ATP2A2: variants seen among roughly 807,000 people sequenced by gnomAD.
The protein encoded by ATP2A2 is ATPase sarcoplasmic/endoplasmic reticulum Ca2+ transporting 2, also known as sarcoplasmic/endoplasmic reticulum calcium ATPase 2.
Under a neutral mutation model 109.3 loss-of-function variants are expected in ATP2A2, and 14 were observed. The observed-to-expected ratio is 0.13, with a 90% CI of 0.08 to 0.20. The LOEUF (loss-of-function observed/expected upper bound fraction) is 0.20, where lower values mean the gene tolerates loss of function less well. Ranked by LOEUF, ATP2A2 falls within the 10% of genes least tolerant of loss-of-function variation. The pLI is 1.00. For missense variants in ATP2A2, 657 were observed against 1,321.6 expected, an observed-to-expected ratio of 0.50 and a Z score of 7.80; for synonymous variants, 506 against 490.9, an observed-to-expected ratio of 1.03 and a Z score of -0.41.
Position 110,348,955 on chromosome 12 carries a change from C to T in ATP2A2, c.*2485C>T, listed in dbSNP as rs1345355772. On this transcript the variant is annotated 3_prime_UTR_variant, in exon 20 of 20. Coordinates refer to ENST00000539276, the MANE Select transcript of ATP2A2 (RefSeq NM_170665.4). ...AAACAAAACTCAGCTTTTCCTGACT[C>T]AGTTCCTTGACTTAGTGGCCTTTAC... 1 of 985,378 alleles carries T rather than the reference C, an allele frequency of 1.0e-6. No individual in the cohort carries two copies. The highest frequency in any genetic ancestry group is 1.7e-5 in the African/African-American group (1 of 57,250). The allele number at this position is 985,378 out of a possible 1,614,324, so 61.0% of individuals were successfully genotyped here.
chr12:110,305,081 A>G (rs1050102353), intron 5 of ATP2A2, among the ~76,000 whole-genome samples: 3 of 151,928 alleles, frequency 2.0e-5, no homozygotes, highest in Non-Finnish European at 4.4e-5. Context: ...TTACAGGTGC[A>G]CACCACCACA....
Position 110,327,964 on chromosome 12 carries a change from A to G in ATP2A2, c.1042A>G (p.Ile348Val). Residue 348 changes from isoleucine (I) to valine (V), a missense_variant, in exon 8 of 20, where the codon ATC becomes GTC. Coordinates refer to ENST00000539276, the MANE Select transcript of ATP2A2 (RefSeq NM_170665.4). This position sits in a 1 kb window ranked among gnomAD's most constrained non-coding sequence, Gnocchi z 4.4. ...GGAAACCCTTGGTTGTACTTCTGTTATCTGCTCAGACAAGACTGGTACACT... is the reference window on the plus strand; with the variant it reads ...GGAAACCCTTGGTTGTACTTCTGTTGTCTGCTCAGACAAGACTGGTACACT... The part of the protein sequence containing the change: ...SVETLGCTSV[I>V]CSDKTGTLTT... 1 of 1,614,144 alleles carries G rather than the reference A, an allele frequency of 6.2e-7. No individual in the cohort carries two copies. Among genetic ancestry groups the G allele is most frequent in the Non-Finnish European group, 8.5e-7 (1 of 1,180,026 alleles).
intron 11 of ATP2A2, among the ~76,000 whole-genome samples, chr12:110,334,976 G>A (rs1262327292): frequency 6.6e-6 from 1 of 152,230 alleles, no homozygotes; most frequent in Non-Finnish European, 1.5e-5. Flanking sequence ...GGCAGTGGCA[G>A]TGGCAGAGGG....
chr12:110,318,110 A>G (rs1488378068), intron 5 of ATP2A2, among the ~76,000 whole-genome samples: 1 of 152,238 alleles, frequency 6.6e-6, no homozygotes, highest in Non-Finnish European at 1.5e-5. Context: ...GGATGTGATC[A>G]TCGGAACAGC....
chr12:110,284,410 A>G (rs1484724836), intron 3 of ATP2A2, among the ~76,000 whole-genome samples: 2 of 152,230 alleles, frequency 1.3e-5, no homozygotes, highest in African/African-American at 2.4e-5. Context: ...GCCAGAAGCA[A>G]AATACATTTT....
chr12:110,339,233 A>T lies in ATP2A2; in HGVS notation c.1420-48A>T. On this transcript the variant is annotated intron_variant, in intron 11 of 19. Coordinates refer to ENST00000539276, the MANE Select transcript of ATP2A2 (RefSeq NM_170665.4). This position sits in a 1 kb window ranked among gnomAD's most constrained non-coding sequence, Gnocchi z 4.4. Reference sequence around the variant, plus strand: ...GTGCTTACTGCTTGTTAGGTAAAAAAGTTCAGAAATTGCCACCCAGTAGTA... The same window carrying T: ...GTGCTTACTGCTTGTTAGGTAAAAATGTTCAGAAATTGCCACCCAGTAGTA... 6.2e-7 allele frequency: 1 copy of T among 1,612,142 alleles called. No individual in the cohort carries two copies. The highest frequency in any genetic ancestry group is 8.5e-7 in the Non-Finnish European group (1 of 1,179,434).
Position 110,332,554 on chromosome 12 carries a change from T to A in ATP2A2, c.1096-43T>A, listed in dbSNP as rs764476927. 7.1e-5 allele frequency: 108 copies of A among 1,511,798 alleles called. No homozygotes were observed. The highest frequency in any genetic ancestry group is 8.7e-5 in the Non-Finnish European group (95 of 1,087,208). The allele number at this position is 1,511,798 out of a possible 1,614,324, so 93.6% of individuals were successfully genotyped here. A position where few individuals can be genotyped will look rare whatever the true frequency, so the allele number is the denominator to read the frequency against. On this transcript the variant is annotated intron_variant, in intron 8 of 19. Coordinates refer to ENST00000539276, the MANE Select transcript of ATP2A2 (RefSeq NM_170665.4). ...GGTAGTTTATTTGTGTAGCATTTTT[T>A]AAAAATCCCTTTTAAATACTCTGAT...
chr12:110,294,910 C>G (rs1873799255), intron 4 of ATP2A2, among the ~76,000 whole-genome samples: 1 of 152,048 alleles, frequency 6.6e-6, no homozygotes, highest in Non-Finnish European at 1.5e-5. Context: ...GCCTCCACCT[C>G]CCGGACTCAA....
In ATP2A2 at chr12:110,340,199, A is replaced by T. The variant is rs1310102252; in HGVS notation, c.1762-460A>T. Among the ~76,000 whole-genome samples, 4 of 152,172 alleles carry T rather than the reference A, an allele frequency of 2.6e-5. No individual in the cohort carries two copies. Among genetic ancestry groups the T allele is most frequent in the Admixed American group, 1.3e-4 (2 of 15,278 alleles). On this transcript the variant is annotated intron_variant, in intron 13 of 19. Coordinates refer to ENST00000539276, the MANE Select transcript of ATP2A2 (RefSeq NM_170665.4). This position sits in a 1 kb window ranked among gnomAD's most constrained non-coding sequence, Gnocchi z 6.0. ...CTCAGAATAGCACAAGAGTTAAAGAATGGTTTGATAACGGGTGTAGTGGTA... is the reference window on the plus strand; with the variant it reads ...CTCAGAATAGCACAAGAGTTAAAGATTGGTTTGATAACGGGTGTAGTGGTA...
Position 110,281,921 on chromosome 12 carries a change from G to T in ATP2A2, c.118+14G>T, listed in dbSNP as rs940538973. The stretch of plus-strand genomic sequence containing the variant: ...GGGGCTCCAACGGTAGGTGCAGGGC[G>T]CTCCGCTGCAGGGGCCCGGCGCGGC... On this transcript the variant is annotated intron_variant, in intron 1 of 19. Coordinates refer to ENST00000539276, the MANE Select transcript of ATP2A2 (RefSeq NM_170665.4). The T allele has an allele frequency of 1.3e-6, 2 of 1,557,246 alleles. No homozygotes were observed. The highest frequency in any genetic ancestry group is 4.9e-5 in the East Asian group (2 of 40,442).
chr12:110,321,889 C>T (rs921053175), intron 5 of ATP2A2, among the ~76,000 whole-genome samples: 2 of 152,166 alleles, frequency 1.3e-5, no homozygotes, highest in African/African-American at 4.8e-5. Context: ...AGATTTGGGC[C>T]TTTTAAGAGC....
rs1431502769 is a variant in ATP2A2, at chr12:110,341,002, T to C, written c.2097+8T>C. The C allele has an allele frequency of 1.9e-6, 3 of 1,613,708 alleles. No homozygotes were observed. The highest frequency in any genetic ancestry group is 2.5e-6 in the Non-Finnish European group (3 of 1,179,720). On this transcript the variant is annotated splice_region_variant and intron_variant, in intron 14 of 19. Transcript: ENST00000539276. ...GATGAGATTACAGCTATGGTGAGCA[T>C]GTTTGAACATGTACAGGTGACTCAG...
rs965119749 is a variant in ATP2A2, at chr12:110,328,065, C to T, written c.1095+48C>T. The stretch of plus-strand genomic sequence containing the variant: ...TTCCGTGTCGTGGTTCTTTGTTCAT[C>T]CTACCAATATGCCTTCATGCCATCA... On this transcript the variant is annotated intron_variant, in intron 8 of 19. Coordinates refer to ENST00000539276, the MANE Select transcript of ATP2A2 (RefSeq NM_170665.4). 12 of 1,563,748 alleles carry T rather than the reference C, an allele frequency of 7.7e-6. No homozygotes were observed. The Admixed American group carries it at 1.2e-4, about 15-fold the overall frequency.
At chr12:110,332,908 G>C (rs184644621) in intron 9 of ATP2A2, among the ~76,000 whole-genome samples, 73 of 152,260 alleles carry the variant, frequency 4.8e-4, no homozygotes, top group Non-Finnish European at 6.5e-4. Flanking sequence ...CTTTCAAGAG[G>C]GATTTGTGTT....
At chr12:110,332,979 A>G (rs951437879) in intron 9 of ATP2A2, among the ~76,000 whole-genome samples, 6 of 152,058 alleles carry the variant, frequency 3.9e-5, no homozygotes, top group Non-Finnish European at 8.8e-5. Context: ...CTTTTTACTG[A>G]TTGATTTCTG....
intron 4 of ATP2A2, 51 bp downstream of exon 4, chr12:110,292,175 T>A (rs1452039254): frequency 1.6e-6 from 2 of 1,266,008 alleles, no homozygotes; most frequent in African/African-American, 2.9e-5. Context: ...TGTAAGTGAT[T>A]AGGGCTGTAT....
At chr12:110,282,466 T>G in intron 1 of ATP2A2, 138 bp from the exon 2 acceptor site, 1 of 1,181,498 alleles carries the variant, frequency 8.5e-7, no homozygotes, top group Non-Finnish European at 1.2e-6. Context: ...TTCTTATAGC[T>G]AGGTCTGTGT....
intron 5 of ATP2A2, among the ~76,000 whole-genome samples, chr12:110,303,909 G>A (rs1178206791): frequency 6.6e-6 from 1 of 152,192 alleles, no homozygotes; most frequent in African/African-American, 2.4e-5. Context: ...CAAGGTCTGT[G>A]TGATCCTCAT....
intron 5 of ATP2A2, among the ~76,000 whole-genome samples, chr12:110,298,905 G>A (rs1036980875): frequency 2.6e-5 from 4 of 152,064 alleles, no homozygotes; most frequent in Non-Finnish European, 5.9e-5. Flanking sequence ...ACCTCAGTAT[G>A]ATTATCAGAA....
Sources: allele counts gnomAD v4.1 joint callset (sites outside exome capture counted in the v4.1 genomes callset), GRCh38; gene constraint gnomAD v4.1.1; non-coding constraint Gnocchi (gnomAD v3.1); transcripts MANE v1.5; gene names NCBI Gene and HGNC (gene_info 2026-07-23, HGNC 2026-07-21).